The following FNIP1 variants were observed in gnomAD, a reference collection of about 807,000 sequenced individuals.
FNIP1 encodes folliculin-interacting protein 1.
In FNIP1, 40 loss-of-function variants were observed where a neutral mutation model predicts 124.5. The observed-to-expected ratio is 0.32, with a 90% CI of 0.25 to 0.42. The LOEUF is 0.42. Ranked by LOEUF, FNIP1 falls within the 10% of genes least tolerant of loss-of-function variation. The pLI, the probability that FNIP1 is intolerant of heterozygous loss-of-function variation, is 1.00. For missense variants in FNIP1, 1,176 were observed against 1,403.7 expected (o/e 0.84, Z 2.59); for synonymous variants, 472 against 470.6 (o/e 1.00, Z -0.04).
intron 10 of FNIP1, 51 bp downstream of exon 10, chr5:131,704,014 G>T: frequency 2.2e-6 from 3 of 1,393,088 alleles, no homozygotes; most frequent in Non-Finnish European, 3.0e-6. Context: ...ATGCTTAATT[G>T]GGAGAATAAG....
chr5:131,689,056 A>C (rs1768386575), intron 11 of FNIP1, among the ~76,000 whole-genome samples: 1 of 152,092 alleles, frequency 6.6e-6, no homozygotes, highest in South Asian at 2.1e-4. Flanking sequence ...AACTGCAGAA[A>C]ACCAAAGACA....
At chr5:131,768,105 C>T (rs1771500638) in intron 1 of FNIP1, among the ~76,000 whole-genome samples, 1 of 152,002 alleles carries the variant, frequency 6.6e-6, no homozygotes, top group Non-Finnish European at 1.5e-5. Flanking sequence ...AAAATATAAA[C>T]TATTACCAGC....
chr5:131,674,923 C>A (rs1160398370), intron 13 of FNIP1, among the ~76,000 whole-genome samples: 1 of 152,200 alleles, frequency 6.6e-6, no homozygotes, highest in African/African-American at 2.4e-5. Context: ...GGCTAACACA[C>A]TGGCTCAAAT....
At chr5:131,662,498 C>G (rs1767469743) in intron 15 of FNIP1, among the ~76,000 whole-genome samples, 1 of 152,156 alleles carries the variant, frequency 6.6e-6, no homozygotes, top group African/African-American at 2.4e-5. Context: ...ATGCTCTAGA[C>G]TCCTTCTGGG....
Position 131,780,108 on chromosome 5 carries a change from G to A in FNIP1, c.92+16722C>T, listed in dbSNP as rs147714075. On this transcript the variant is annotated intron_variant, in intron 1 of 17. Transcript: ENST00000510461. ...GAAATCCATGTAAGCAAGGGACACT[G>A]ACACATTCAAAGCCCACTAAAATGA... Among the ~76,000 whole-genome samples the A allele has an allele frequency of 2.3e-3, 354 of 152,182 alleles. 1 individual carries two copies. Among genetic ancestry groups the A allele is most frequent in the Admixed American group, 4.4e-3 (67 of 15,294 alleles).
intron 3 of FNIP1, among the ~76,000 whole-genome samples, chr5:131,721,127 T>C (rs763812247): frequency 2.0e-5 from 3 of 152,102 alleles, no homozygotes; most frequent in African/African-American, 4.8e-5. Flanking sequence ...AATAAATACA[T>C]AGAATGAAAC....
intron 16 of FNIP1, among the ~76,000 whole-genome samples, chr5:131,650,704 A>G (rs980242465): frequency 1.3e-5 from 2 of 152,224 alleles, no homozygotes; most frequent in Non-Finnish European, 2.9e-5. Context: ...CTAATCTTAG[A>G]GAAATACTTT....
intron 15 of FNIP1, among the ~76,000 whole-genome samples, chr5:131,664,397 G>C (rs956166811): frequency 5.9e-5 from 9 of 152,150 alleles, no homozygotes; most frequent in South Asian, 2.1e-4. Context: ...ATTTTTGGGA[G>C]GCCGAGGTGG....
intron 1 of FNIP1, among the ~76,000 whole-genome samples, chr5:131,783,393 C>T (rs1237682502): frequency 6.6e-6 from 1 of 151,322 alleles, no homozygotes; most frequent in African/African-American, 2.4e-5. Flanking sequence ...AAAATGAAAT[C>T]TCCTAGAAGT....
At chr5:131,747,332 C>A (rs746322152) in intron 1 of FNIP1, among the ~76,000 whole-genome samples, 7 of 152,144 alleles carry the variant, frequency 4.6e-5, no homozygotes, top group Admixed American at 4.6e-4. Context: ...ATCCCAAATT[C>A]TTGACAGAAA....
chr5:131,782,632 G>C (rs1341230855), intron 1 of FNIP1, among the ~76,000 whole-genome samples: 1 of 152,106 alleles, frequency 6.6e-6, no homozygotes, highest in East Asian at 1.9e-4. Flanking sequence ...GGCAAAGAGG[G>C]AGGGAAAGAA....
At chr5:131,695,175 T>C (rs1561659540) in intron 11 of FNIP1, among the ~76,000 whole-genome samples, 1 of 151,948 alleles carries the variant, frequency 6.6e-6, no homozygotes, top group African/African-American at 2.4e-5. Flanking sequence ...GGGAAAACTG[T>C]AGGTTGGGGA....
chr5:131,676,683 C>A (rs1767922303), intron 13 of FNIP1, among the ~76,000 whole-genome samples: 1 of 152,008 alleles, frequency 6.6e-6, no homozygotes, highest in African/African-American at 2.4e-5. Context: ...CATTTGATCC[C>A]AGGGAAATTG....
rs114680983 is a variant in FNIP1 at position 131,646,987 on chromosome 5, A to G, written c.3422+103T>C. 1.9e-3 allele frequency: 1,765 copies of G among 941,950 alleles called. 21 individuals are homozygous for G. In the African/African-American group the frequency reaches 0.026, roughly 14 times the overall value. The allele number at this position is 941,950 out of a possible 1,614,324, so 58.3% of individuals were successfully genotyped here. ...AAATGATAACAGCCTCCAGCTTCTA[A>G]TAGGAGAAGACACGTAAAAGGAAAA... On this transcript the variant is annotated intron_variant, in intron 17 of 17. Coordinates refer to ENST00000510461, the MANE Select transcript of FNIP1 (RefSeq NM_133372.3).
intron 15 of FNIP1, among the ~76,000 whole-genome samples, chr5:131,657,623 C>G (rs1274089907): frequency 2.7e-5 from 4 of 150,238 alleles, no homozygotes; most frequent in Non-Finnish European, 5.9e-5. Flanking sequence ...GCCATGAAAG[C>G]CATCAAGCCT....
chr5:131,740,002 C>A (rs947435762), intron 2 of FNIP1, among the ~76,000 whole-genome samples: 4 of 152,028 alleles, frequency 2.6e-5, no homozygotes, highest in African/African-American at 9.7e-5. Flanking sequence ...CCACCCCAAA[C>A]ACACAAAAAT....
At chr5:131,785,828 G>A (rs1772199155) in intron 1 of FNIP1, among the ~76,000 whole-genome samples, 2 of 152,136 alleles carry the variant, frequency 1.3e-5, no homozygotes, top group Admixed American at 1.3e-4. Flanking sequence ...AGCAAAGTGA[G>A]ACCTTGTTTC....
intron 13 of FNIP1, among the ~76,000 whole-genome samples, chr5:131,674,775 T>G (rs191959268): frequency 6.6e-6 from 1 of 152,276 alleles, no homozygotes; most frequent in East Asian, 1.9e-4. Flanking sequence ...TTAATTCAAT[T>G]TTTGAAGTTG....
At chr5:131,683,552 CAAAAAA>C (rs1184433193) in intron 11 of FNIP1, among the ~76,000 whole-genome samples, 1 of 53,008 alleles carries the variant, frequency 1.9e-5, no homozygotes, top group East Asian at 5.8e-4. Context: ...GACTCCGTCT[CAAAAAA>C]AAAAAAAAAA....
Sources: allele counts gnomAD v4.1 joint callset (sites outside exome capture counted in the v4.1 genomes callset), GRCh38; gene constraint gnomAD v4.1.1; transcripts MANE v1.5; gene names NCBI Gene and HGNC (gene_info 2026-07-23, HGNC 2026-07-21).